Variants in TRAPPC10 observed in about 807,000 individuals in gnomAD.
The protein encoded by TRAPPC10 is trafficking protein particle complex subunit 10.
A neutral mutation model predicts 125.5 loss-of-function variants in TRAPPC10; 23 were observed. The observed-to-expected ratio is 0.18, with a 90% CI of 0.13 to 0.26. The LOEUF is 0.26. Ranked by LOEUF, TRAPPC10 falls within the 10% of genes least tolerant of loss-of-function variation. The probability of loss-of-function intolerance (pLI) is 1.00; values close to 1 mark genes in which losing one functional copy is unlikely to be tolerated. For synonymous variants in TRAPPC10, 509 were observed against 518.0 expected (o/e 0.98, Z 0.24); for missense variants, 1,123 against 1,308.4 (o/e 0.86, Z 2.19).
chr21:44,073,382 C>T (rs1396270292), intron 7 of TRAPPC10, among the ~76,000 whole-genome samples: 9 of 152,102 alleles, frequency 5.9e-5, no homozygotes, highest in Admixed American at 1.3e-4. Flanking sequence ...GAAGTCAGTG[C>T]CACCAGAGAA....
chr21:44,030,488 A>G (rs1325034295), intron 1 of TRAPPC10, among the ~76,000 whole-genome samples: 3 of 150,796 alleles, frequency 2.0e-5, no homozygotes, highest in African/African-American at 7.3e-5. Flanking sequence ...TTTTTTTGAG[A>G]TGGAGTTTCG....
At chr21:44,086,669 G>T in intron 15 of TRAPPC10, 133 bp from the exon 16 acceptor site, 2 of 950,530 alleles carry the variant, frequency 2.1e-6, no homozygotes, top group South Asian at 3.1e-5. Flanking sequence ...GGAAGTAGAA[G>T]GAATTCATGG....
In TRAPPC10 at chr21:44,059,151, C is replaced by G; in HGVS notation, c.727C>G (p.Leu243Val). The change falls in exon 6 of 23, where the codon CTG (leucine) becomes GTG (valine). Residue 243 changes from leucine to valine, a missense_variant. Physicochemically the swap from Leu to Val is conservative, Grantham distance 32. This residue lies in a region of TRAPPC10 where 91 missense variants were observed against 127.1 expected (regional missense o/e 0.72). Transcript: ENST00000291574. This position sits in a 1 kb window ranked among gnomAD's most constrained non-coding sequence, Gnocchi z 4.4. Reference protein sequence around the residue: ...FEMLQQFEDALVQYDELDALF... With the variant: ...FEMLQQFEDAVVQYDELDALF... ...GATGCTGCAGCAGTTCGAGGACGCCCTGGTGCAGTACGACGAACTGGACGC... is the reference window on the plus strand; with the variant it reads ...GATGCTGCAGCAGTTCGAGGACGCCGTGGTGCAGTACGACGAACTGGACGC... 1 of 1,611,588 alleles carries G rather than the reference C, an allele frequency of 6.2e-7. No individual in the cohort carries two copies. The highest frequency in any genetic ancestry group is 8.5e-7 in the Non-Finnish European group (1 of 1,179,000).
chr21:44,046,697 G>A lies in TRAPPC10; in HGVS notation c.286-5583G>A, dbSNP rs897967851. On this transcript the variant is annotated intron_variant, in intron 3 of 22. Coordinates refer to ENST00000291574, the MANE Select transcript of TRAPPC10 (RefSeq NM_003274.5). ...TTAATTTTGTATTTTTAGTAGAGACGGGGTTTCTCCATGTTGGTCAGGCTG... is the reference window on the plus strand; with the variant it reads ...TTAATTTTGTATTTTTAGTAGAGACAGGGTTTCTCCATGTTGGTCAGGCTG... 10 of 309,838 alleles carry A rather than the reference G, an allele frequency of 3.2e-5. No individual in the cohort carries two copies. In the Middle Eastern group the frequency reaches 3.0e-3, roughly 92 times the overall value. 19.2% of individuals were successfully genotyped at this position (309,838 alleles called of 1,614,324 possible). A position where few individuals can be genotyped will look rare whatever the true frequency, so the allele number is the denominator to read the frequency against.
intron 9 of TRAPPC10, among the ~76,000 whole-genome samples, 178 bp downstream of exon 9, chr21:44,075,331 T>A (rs912669710): frequency 1.5e-4 from 23 of 152,220 alleles, no homozygotes; most frequent in Admixed American, 1.2e-3. Context: ...TTTAACAGCA[T>A]AATGCAATAT....
At chr21:44,052,008 ACT>A (rs1330577111) in intron 3 of TRAPPC10, among the ~76,000 whole-genome samples, 2 of 151,876 alleles carry the variant, frequency 1.3e-5, no homozygotes, top group East Asian at 3.9e-4. Context: ...CAACCCTCTG[ACT>A]CTCAGTCTCT....
intron 15 of TRAPPC10, among the ~76,000 whole-genome samples, chr21:44,085,008 C>G (rs1026588080): frequency 2.2e-4 from 33 of 152,222 alleles, no homozygotes; most frequent in African/African-American, 8.0e-4. Flanking sequence ...CTCTCCAGAC[C>G]CTGTCCTTTG....
At chr21:44,035,836 A>T (rs2033946166) in intron 2 of TRAPPC10, among the ~76,000 whole-genome samples, 1 of 152,244 alleles carries the variant, frequency 6.6e-6, no homozygotes. Flanking sequence ...AGAAATTTAA[A>T]ATTAATTGAT....
chr21:44,089,982 C>T lies in TRAPPC10; in HGVS notation c.2870+49C>T. The T allele has an allele frequency of 2.1e-6, 3 of 1,437,790 alleles. No homozygotes were observed. In the African/African-American group the frequency reaches 4.2e-5, roughly 20 times the overall value. The allele number at this position is 1,437,790 out of a possible 1,614,324, so 89.1% of individuals were successfully genotyped here. A position where few individuals can be genotyped will look rare whatever the true frequency, so the allele number is the denominator to read the frequency against. ...CCCTGGCTTCTTTCCCCAGACTCTT[C>T]TAAGTGGAGGTTCCTAATGTTCAAA... is the stretch of plus-strand genomic sequence containing the variant. On this transcript the variant is annotated intron_variant, in intron 18 of 22. Transcript: ENST00000291574.
intron 3 of TRAPPC10, among the ~76,000 whole-genome samples, chr21:44,049,939 G>T (rs547497390): frequency 1.3e-5 from 2 of 151,710 alleles, no homozygotes; most frequent in East Asian, 3.9e-4. Flanking sequence ...GAATGCAGTG[G>T]CATGATCTCG....
chr21:44,045,626 A>T (rs1248315337), intron 3 of TRAPPC10, among the ~76,000 whole-genome samples: 1 of 151,140 alleles, frequency 6.6e-6, no homozygotes, highest in African/African-American at 2.4e-5. Flanking sequence ...ATCTCGGCTC[A>T]CTGCAACCTC....
At chr21:44,029,277 G>A (rs1186748414) in intron 1 of TRAPPC10, among the ~76,000 whole-genome samples, 3 of 152,118 alleles carry the variant, frequency 2.0e-5, no homozygotes, top group Non-Finnish European at 2.9e-5. Context: ...TGTATTTTTA[G>A]TAGAGACGGG....
intron 4 of TRAPPC10, among the ~76,000 whole-genome samples, chr21:44,053,208 T>C (rs2145842833): frequency 6.6e-6 from 1 of 152,326 alleles, no homozygotes; most frequent in Admixed American, 6.5e-5. Context: ...ATGCTCATTG[T>C]AGAATTATTA....
chr21:44,022,542 G>T (rs1410936270), intron 1 of TRAPPC10, among the ~76,000 whole-genome samples: 1 of 142,030 alleles, frequency 7.0e-6, no homozygotes, highest in Non-Finnish European at 1.5e-5. Context: ...TCGAACTCCC[G>T]ACCTCAGGTG....
chr21:44,047,754 G>A (rs1441721917), intron 3 of TRAPPC10, among the ~76,000 whole-genome samples: 1 of 151,980 alleles, frequency 6.6e-6, no homozygotes, highest in South Asian at 2.1e-4. Flanking sequence ...TAGATTTGAG[G>A]TTTTCATCTC....
At chr21:44,054,864 G>A (rs1000136016) in intron 4 of TRAPPC10, among the ~76,000 whole-genome samples, 1 of 152,206 alleles carries the variant, frequency 6.6e-6, no homozygotes, top group African/African-American at 2.4e-5. Context: ...GGGCAGAGCA[G>A]TTGGGATGGT....
chr21:44,013,310 C>G (rs1257570327), intron 1 of TRAPPC10, among the ~76,000 whole-genome samples: 2 of 152,172 alleles, frequency 1.3e-5, no homozygotes, highest in Non-Finnish European at 2.9e-5. Flanking sequence ...GTGTGACTCT[C>G]CAGAGTTAAA....
chr21:44,070,315 T>C (rs1419452886), intron 7 of TRAPPC10, among the ~76,000 whole-genome samples: 2 of 152,230 alleles, frequency 1.3e-5, no homozygotes, highest in Non-Finnish European at 2.9e-5. Flanking sequence ...TAAGGAAAAT[T>C]AATATAAATT....
chr21:44,014,442 G>T (rs1054463679), intron 1 of TRAPPC10, among the ~76,000 whole-genome samples: 1 of 151,714 alleles, frequency 6.6e-6, no homozygotes, highest in Non-Finnish European at 1.5e-5. Flanking sequence ...CGCCCAGGCT[G>T]GAGTGCAGTG....
Sources: allele counts gnomAD v4.1 joint callset (sites outside exome capture counted in the v4.1 genomes callset), GRCh38; gene constraint gnomAD v4.1.1; regional missense constraint gnomAD v4.1.1; non-coding constraint Gnocchi (gnomAD v3.1); transcripts MANE v1.5; gene names NCBI Gene and HGNC (gene_info 2026-07-23, HGNC 2026-07-21).